Variants in NRG1 observed in about 807,000 individuals in gnomAD.
The protein encoded by NRG1 is pro-neuregulin-1, membrane-bound isoform.
In NRG1, 18 loss-of-function variants were observed where a neutral mutation model predicts 63.8. The ratio of observed to expected loss-of-function variants is 0.28; its 90% CI spans 0.19 to 0.42. The LOEUF (loss-of-function observed/expected upper bound fraction) is 0.42. Ranked by LOEUF, NRG1 falls within the 10% of genes least tolerant of loss-of-function variation. NRG1 has a pLI of 1.00. For synonymous variants in NRG1, 302 were observed against 301.3 expected (o/e 1.00, Z -0.02); for missense variants, 762 against 814.7 (o/e 0.94, Z 0.79).
chr8:31,644,183 G>A (rs1053402216), intron 1 of NRG1, among the ~76,000 whole-genome samples: 1 of 152,120 alleles, frequency 6.6e-6, no homozygotes, highest in Non-Finnish European at 1.5e-5. Context: ...AACAGTAACA[G>A]ATATAGCCTG....
intron 1 of NRG1, among the ~76,000 whole-genome samples, chr8:32,116,728 A>G (rs1472220363): frequency 3.9e-5 from 6 of 152,126 alleles, no homozygotes; most frequent in Admixed American, 3.3e-4. Context: ...ATTTGTATTA[A>G]TATGATAGGA....
chr8:31,825,787 C>T (rs760723990), intron 1 of NRG1, among the ~76,000 whole-genome samples: 6 of 152,320 alleles, frequency 3.9e-5, no homozygotes, highest in African/African-American at 7.2e-5. Context: ...CTCTGTGACA[C>T]GGTCATAGAA....
chr8:32,371,991 C>CTTTT (rs1289943893), intron 1 of NRG1, among the ~76,000 whole-genome samples: 1 of 64,098 alleles, frequency 1.6e-5, no homozygotes, highest in African/African-American at 5.4e-5. Flanking sequence ...TCTTCTTCTT[C>CTTTT]ATTTTTTTTT....
intron 1 of NRG1, among the ~76,000 whole-genome samples, chr8:32,518,265 G>A (rs531829279): frequency 1.2e-4 from 18 of 152,174 alleles, no homozygotes; most frequent in South Asian, 2.1e-4. Context: ...TATGATGCTC[G>A]TTACCTCTAC....
intron 5 of NRG1, among the ~76,000 whole-genome samples, chr8:32,677,832 C>T (rs1239244114): frequency 6.6e-6 from 1 of 152,124 alleles, no homozygotes; most frequent in African/African-American, 2.4e-5. Context: ...GCCATACCCC[C>T]ACAAATCGCA....
At chr8:31,700,126 C>T (rs974152181) in intron 1 of NRG1, among the ~76,000 whole-genome samples, 3 of 151,994 alleles carry the variant, frequency 2.0e-5, no homozygotes, top group Admixed American at 6.6e-5. Flanking sequence ...AAAAAGAGAA[C>T]ATCTGATTTG....
At chr8:32,340,414 G>A (rs1270914569) in intron 1 of NRG1, among the ~76,000 whole-genome samples, 1 of 152,108 alleles carries the variant, frequency 6.6e-6, no homozygotes, top group Non-Finnish European at 1.5e-5. Flanking sequence ...ATCCCTTCAT[G>A]ACTGTCTCAT....
intron 5 of NRG1, among the ~76,000 whole-genome samples, chr8:32,634,750 T>A (rs1421778502): frequency 2.0e-5 from 3 of 152,190 alleles, no homozygotes; most frequent in African/African-American, 7.2e-5. Context: ...AAAACAATGA[T>A]CTCTTATGTA....
chr8:32,573,941 TG>T, intron 1 of NRG1, among the ~76,000 whole-genome samples: 1 of 152,254 alleles, frequency 6.6e-6, no homozygotes, highest in African/African-American at 2.4e-5. Flanking sequence ...CTGAGAATGA[TG>T]ATTTCCAGCT....
chr8:32,680,458 A>G (rs1223044558), intron 5 of NRG1, among the ~76,000 whole-genome samples: 1 of 152,186 alleles, frequency 6.6e-6, no homozygotes, highest in Admixed American at 6.5e-5. Context: ...TGCAACTTAA[A>G]TAAACCCAGT....
At chr8:31,902,226 T>A (rs1357045350) in intron 1 of NRG1, among the ~76,000 whole-genome samples, 1 of 152,078 alleles carries the variant, frequency 6.6e-6, no homozygotes, top group East Asian at 1.9e-4. Context: ...AAGAATAAAA[T>A]GTGAAGAGAA....
In NRG1 at chr8:32,605,515, G is replaced by A. The variant is rs1468069788; in HGVS notation, c.279-47G>A. 2.5e-6 allele frequency: 4 copies of A among 1,604,734 alleles called. No homozygotes were observed. The Admixed American group carries it at 5.1e-5, about 20-fold the overall frequency. ...AGAAAAGTATGTATTTATATTTGTTGGATTTCTGTGATATATACTGACACC... is the reference window on the plus strand; with the variant it reads ...AGAAAAGTATGTATTTATATTTGTTAGATTTCTGTGATATATACTGACACC... On this transcript the variant is annotated intron_variant, in intron 2 of 11. Transcript: ENST00000356819.
intron 1 of NRG1, among the ~76,000 whole-genome samples, chr8:32,449,691 T>A (rs989959515): frequency 1.3e-5 from 2 of 152,220 alleles, no homozygotes; most frequent in Non-Finnish European, 2.9e-5. Flanking sequence ...AGTGGAAATA[T>A]ACTGTGGCAA....
intron 1 of NRG1, among the ~76,000 whole-genome samples, chr8:31,651,030 T>C (rs1804787721): frequency 6.6e-6 from 1 of 152,158 alleles, no homozygotes; most frequent in South Asian, 2.1e-4. Context: ...TTCTGGAGCT[T>C]TTTCTGGAGC....
At chr8:32,771,326 A>G (rs1461026149), downstream of NRG1, among the ~76,000 whole-genome samples, 1 of 116,834 alleles carries the variant, frequency 8.6e-6, no homozygotes, top group Non-Finnish European at 1.6e-5. Context: ...AGGTCTCGCT[A>G]TGTTGCCCAG....
intron 6 of NRG1, chr8:32,728,740 T>C (rs1448432400): frequency 4.9e-6 from 4 of 820,650 alleles, no homozygotes; most frequent in Non-Finnish European, 5.9e-6. Flanking sequence ...GTCTTTCCAA[T>C]GACCTGAAGG....
intron 1 of NRG1, among the ~76,000 whole-genome samples, chr8:32,222,968 A>G (rs1845978738): frequency 6.6e-6 from 1 of 152,226 alleles, no homozygotes; most frequent in African/African-American, 2.4e-5. Flanking sequence ...GTATTCAATC[A>G]ATCAAAGAGA....
intron 1 of NRG1, among the ~76,000 whole-genome samples, chr8:32,435,558 A>G (rs181200031): frequency 8.2e-4 from 125 of 152,238 alleles, no homozygotes; most frequent in African/African-American, 2.9e-3. Flanking sequence ...AGCACTAGTG[A>G]GCTATTGTAT....
At position 31,640,352 on chromosome 8, in the gene NRG1, G is replaced by T. The variant is rs1455526393; in HGVS notation, c.37+921G>T. 5 of 1,212,748 alleles carry T rather than the reference G, an allele frequency of 4.1e-6. No individual in the cohort carries two copies. The highest frequency in any genetic ancestry group is 1.6e-5 in the African/African-American group (1 of 63,020). The allele number at this position is 1,212,748 out of a possible 1,614,324, so 75.1% of individuals were successfully genotyped here. On this transcript the variant is annotated intron_variant, in intron 1 of 10. Coordinates refer to the NRG1 transcript ENST00000519301. This position sits in a 1 kb window ranked among gnomAD's most constrained non-coding sequence, Gnocchi z 6.3. ...CGCGAGCCGCCAGCCGCGGGCCCAC[G>T]GGCGCTGGGGCCGCCCGCCGAGGAG...
Sources: allele counts gnomAD v4.1 joint callset (sites outside exome capture counted in the v4.1 genomes callset), GRCh38; gene constraint gnomAD v4.1.1; non-coding constraint Gnocchi (gnomAD v3.1); transcripts MANE v1.5; gene names NCBI Gene and HGNC (gene_info 2026-07-23, HGNC 2026-07-21).